ANKRD11: variants seen among roughly 807,000 people sequenced by gnomAD.
The protein encoded by ANKRD11 is ankyrin repeat domain-containing protein 11.
ANKRD11 carries 17 observed loss-of-function variants against 195.7 expected under a neutral mutation model. That is an observed-to-expected ratio of 0.09 (90% CI 0.06 to 0.13). The LOEUF is 0.13. ANKRD11 is among the 10% of genes least tolerant of loss of function. ANKRD11 has a pLI of 1.00. For synonymous variants in ANKRD11, 1,953 were observed against 1,528.1 expected, an observed-to-expected ratio of 1.28 and a Z score of -6.49; for missense variants, 3,735 against 3,566.1, an observed-to-expected ratio of 1.05 and a Z score of -1.21.
chr16:89,330,664 GGGGGGGGGGGGC>G (rs1319931710), intron 2 of ANKRD11, among the ~76,000 whole-genome samples: 9 of 56,358 alleles, frequency 1.6e-4, no homozygotes, highest in Admixed American at 6.8e-4. Context: ...GACTGGGGGG[GGGGGGGGGGGGC>G]GGGGGCGGAG....
At chr16:89,484,450 G>A (rs1244269651) in intron 1 of ANKRD11, among the ~76,000 whole-genome samples, 2 of 152,148 alleles carry the variant, frequency 1.3e-5, no homozygotes, top group African/African-American at 4.8e-5. Flanking sequence ...GCAGCAGTAA[G>A]CTAATCCTAA....
At chr16:89,305,067 C>G in intron 4 of ANKRD11, 139 bp downstream of exon 4, 1 of 1,340,676 alleles carries the variant, frequency 7.5e-7, no homozygotes, top group Non-Finnish European at 1.0e-6. Flanking sequence ...GCCCCTGCTG[C>G]CTCTTGCCTG....
At chr16:89,450,348 G>A (rs1567822742) in intron 1 of ANKRD11, among the ~76,000 whole-genome samples, 1 of 152,196 alleles carries the variant, frequency 6.6e-6, no homozygotes, top group Admixed American at 6.5e-5. Flanking sequence ...CTCAGAGACA[G>A]AATGTAAGAA....
chr16:89,486,397 C>T (rs1050384849), intron 1 of ANKRD11, among the ~76,000 whole-genome samples: 1 of 151,016 alleles, frequency 6.6e-6, no homozygotes, highest in Admixed American at 6.6e-5. Context: ...GCCACGTTCA[C>T]GCAACTGGCC....
chr16:89,270,290 G>A (rs2033023833), intron 12 of ANKRD11: 1 of 213,312 alleles, frequency 4.7e-6, no homozygotes, highest in South Asian at 7.5e-5. Context: ...CCTGCTCCCA[G>A]GCCTGGCTGG....
At chr16:89,451,504 C>G (rs1164129082) in intron 1 of ANKRD11, among the ~76,000 whole-genome samples, 1 of 150,282 alleles carries the variant, frequency 6.7e-6, no homozygotes, top group Non-Finnish European at 1.5e-5. Context: ...CTCCGCCTCC[C>G]GAGTTTTCAA....
chr16:89,278,145 G>T, intron 9 of ANKRD11: 1 of 278,576 alleles, frequency 3.6e-6, no homozygotes, highest in South Asian at 3.4e-5. Context: ...GAGACTCCAG[G>T]GAAGAGCCAG....
chr16:89,363,664 C>T (rs1210909657), intron 2 of ANKRD11, among the ~76,000 whole-genome samples: 2 of 152,140 alleles, frequency 1.3e-5, no homozygotes, highest in East Asian at 3.9e-4. Flanking sequence ...CACCAAGCAC[C>T]ACACGCTGCT....
Position 89,323,032 on chromosome 16 carries a change from C to T in ANKRD11, c.-59-5954G>A, listed in dbSNP as rs140578365. 2.3e-3 allele frequency: 701 copies of T among 307,244 alleles called. 6 individuals are homozygous for T. Among genetic ancestry groups the T allele is most frequent in the African/African-American group, 0.015 (662 of 44,446 alleles). 19.0% of individuals were successfully genotyped at this position (307,244 alleles called of 1,614,324 possible). ...CTAATTTCTGTACTTTCTGTGGAGT[C>T]GGGTTTCGCCATGCTTCCGAGGCTG... On this transcript the variant is annotated intron_variant, in intron 2 of 12. Transcript: ENST00000301030.
At chr16:89,383,288 G>A (rs1468916048) in intron 2 of ANKRD11, among the ~76,000 whole-genome samples, 1 of 152,216 alleles carries the variant, frequency 6.6e-6, no homozygotes, top group South Asian at 2.1e-4. Flanking sequence ...CTGCCATTAG[G>A]ATTTCCAGGG....
intron 1 of ANKRD11, among the ~76,000 whole-genome samples, chr16:89,477,501 G>A (rs1435479286): frequency 1.3e-5 from 2 of 151,942 alleles, no homozygotes; most frequent in African/African-American, 4.8e-5. Context: ...GATTACAGGC[G>A]CCTGCCACCA....
At chr16:89,277,919 C>G (rs1307256461) in intron 9 of ANKRD11, 1 of 157,536 alleles carries the variant, frequency 6.3e-6, no homozygotes, top group East Asian at 1.9e-4. Flanking sequence ...CGAGGGGCCT[C>G]AGGCGGCCTG....
intron 2 of ANKRD11, chr16:89,323,190 C>T: frequency 1.5e-6 from 1 of 684,664 alleles, no homozygotes; most frequent in Non-Finnish European, 2.2e-6. Flanking sequence ...GCACACCTCA[C>T]AGGGAGAGAA....
intron 1 of ANKRD11, among the ~76,000 whole-genome samples, chr16:89,466,003 C>T (rs533584311): frequency 2.2e-4 from 34 of 152,280 alleles, no homozygotes; most frequent in African/African-American, 7.9e-4. Context: ...AGCCACCGCG[C>T]CTGGCCACCA....
At chr16:89,465,977 T>G (rs1460749854) in intron 1 of ANKRD11, among the ~76,000 whole-genome samples, 1 of 152,140 alleles carries the variant, frequency 6.6e-6, no homozygotes, top group Non-Finnish European at 1.5e-5. Context: ...CCCAAAGTGC[T>G]GGAATTACAG....
At chr16:89,288,695 C>G (rs779736503) in intron 6 of ANKRD11, 25 bp from the exon 7 acceptor site, 1 of 1,613,864 alleles carries the variant, frequency 6.2e-7, no homozygotes, top group South Asian at 1.1e-5. Flanking sequence ...TCAGGACGTA[C>G]GTTATTTAAT....
intron 2 of ANKRD11, among the ~76,000 whole-genome samples, chr16:89,379,037 T>C (rs148107003): frequency 6.6e-6 from 1 of 152,292 alleles, no homozygotes; most frequent in African/African-American, 2.4e-5. Flanking sequence ...GGCTGAGGCA[T>C]TCACTGTCGC....
At chr16:89,268,852 CAT>C (rs1357514495) in intron 12 of ANKRD11, among the ~76,000 whole-genome samples, 189 bp from the exon 13 acceptor site, 3 of 152,362 alleles carry the variant, frequency 2.0e-5, no homozygotes, top group African/African-American at 7.2e-5. Flanking sequence ...AGCTGTGCTA[CAT>C]GTCTGTCCCC....
chr16:89,323,223 G>GA (rs1233893445), intron 2 of ANKRD11: 193 of 1,090,896 alleles, frequency 1.8e-4, no homozygotes, highest in Non-Finnish European at 2.5e-5. Flanking sequence ...CTGAGCGGAG[G>GA]AAAAAAGAAA....
Sources: allele counts gnomAD v4.1 joint callset (sites outside exome capture counted in the v4.1 genomes callset), GRCh38; gene constraint gnomAD v4.1.1; transcripts MANE v1.5; gene names NCBI Gene and HGNC (gene_info 2026-07-23, HGNC 2026-07-21).